Variants in KATNAL2 observed in about 807,000 individuals in gnomAD.
The protein encoded by KATNAL2 is katanin p60 ATPase-containing subunit A-like 2.
KATNAL2 carries 52 observed loss-of-function variants against 76.3 expected under a neutral mutation model. The observed-to-expected ratio is 0.68, with a 90% confidence interval of 0.55 to 0.86. KATNAL2 has a LOEUF of 0.86. KATNAL2 is among the 40% of genes least tolerant of loss of function. The pLI, the probability that KATNAL2 is intolerant of heterozygous loss-of-function variation, is 0.00. For missense variants in KATNAL2, 660 were observed against 668.9 expected, an observed-to-expected ratio of 0.99 and a Z score of 0.15; for synonymous variants, 243 against 244.2, an observed-to-expected ratio of 1.00 and a Z score of 0.05.
At position 46,946,564 on chromosome 18, in the gene KATNAL2, A is replaced by C. The variant is rs1272938966; in HGVS notation, c.-20+18A>C. ...ATATTATGGTACATGGCCCTGGGTC[A>C]GCTTGTATTTTAGAAACGAATTAAG... On this transcript the variant is annotated intron_variant, in intron 2 of 17. Transcript: ENST00000683218. 1.0e-6 allele frequency: 1 copy of C among 985,360 alleles called. No homozygotes were observed. The highest frequency in any genetic ancestry group is 1.1e-4 in the East Asian group (1 of 8,830). 61.0% of individuals were successfully genotyped at this position (985,360 alleles called of 1,614,324 possible). A position where few individuals can be genotyped will look rare whatever the true frequency, so the allele number is the denominator to read the frequency against.
chr18:46,926,296 G>A (rs890950624), intron 1 of KATNAL2, among the ~76,000 whole-genome samples: 4 of 151,882 alleles, frequency 2.6e-5, no homozygotes, highest in Admixed American at 1.3e-4. Flanking sequence ...GTTTTTTCTC[G>A]TTGGTTTCAA....
In KATNAL2 at chr18:46,939,112, C is replaced by T. The variant is rs183631264; in HGVS notation, c.-509-6945C>T. On this transcript the variant is annotated intron_variant, in intron 1 of 17. Transcript: ENST00000683218. ...ATCCCAGCACTTTGGGAGGCCGAGG[C>T]GGGCAGATCACAAGGTCAGGAGATC... Among the ~76,000 whole-genome samples the T allele has an allele frequency of 3.4e-3, 521 of 152,094 alleles. 1 individual carries two copies. Among genetic ancestry groups the T allele is most frequent in the Middle Eastern group, 0.01 (3 of 294 alleles).
chr18:46,920,864 A>G (rs1183005011), intron 1 of KATNAL2, among the ~76,000 whole-genome samples: 1 of 152,200 alleles, frequency 6.6e-6, no homozygotes, highest in South Asian at 2.1e-4. Context: ...AGGGAGGTGC[A>G]GTAATCTTAT....
chr18:47,064,071 A>C (rs2061715351), intron 10 of KATNAL2, among the ~76,000 whole-genome samples: 2 of 152,164 alleles, frequency 1.3e-5, no homozygotes, highest in Admixed American at 6.5e-5. Flanking sequence ...TCCTCTGAGA[A>C]GCTAAGGGCT....
chr18:47,034,411 C>G (rs1213560157), intron 3 of KATNAL2: 6 of 1,614,100 alleles, frequency 3.7e-6, no homozygotes, highest in Non-Finnish European at 4.2e-6. Flanking sequence ...AGCTTGCCCC[C>G]CTTCCTTGTC....
chr18:46,937,554 T>C (rs2059129599), intron 1 of KATNAL2, among the ~76,000 whole-genome samples: 1 of 152,156 alleles, frequency 6.6e-6, no homozygotes, highest in South Asian at 2.1e-4. Flanking sequence ...GTGATCTTTT[T>C]CACCAAGCTG....
At chr18:46,936,911 T>A (rs968842430) in intron 1 of KATNAL2, among the ~76,000 whole-genome samples, 1 of 152,216 alleles carries the variant, frequency 6.6e-6, no homozygotes, top group Non-Finnish European at 1.5e-5. Flanking sequence ...GACAAGATCA[T>A]GCCATTGCAC....
At chr18:47,076,651 G>A (rs1212979992) in intron 14 of KATNAL2, 1 of 152,048 alleles carries the variant, frequency 6.6e-6, no homozygotes, top group Admixed American at 6.6e-5. Context: ...TCTTCAAAGG[G>A]TCAGGAAATA....
At chr18:47,039,992 C>T (rs1017959445) in intron 3 of KATNAL2, among the ~76,000 whole-genome samples, 1 of 152,206 alleles carries the variant, frequency 6.6e-6, no homozygotes, top group Non-Finnish European at 1.5e-5. Flanking sequence ...AGATCACTTT[C>T]ATGTCTCTTT....
At chr18:46,942,063 G>A (rs529122932) in intron 1 of KATNAL2, among the ~76,000 whole-genome samples, 60 of 152,236 alleles carry the variant, frequency 3.9e-4, no homozygotes, top group African/African-American at 1.2e-3. Context: ...TCAGGTAATC[G>A]GAATGAGTCA....
chr18:47,054,502 G>C, intron 6 of KATNAL2, 64 bp downstream of exon 6: 2 of 1,483,488 alleles, frequency 1.3e-6, no homozygotes, highest in South Asian at 1.1e-5. Context: ...TCCCTTTCCA[G>C]AAGCTTTACC....
At chr18:47,095,714 G>A (rs1255918978) in intron 15 of KATNAL2, among the ~76,000 whole-genome samples, 2 of 152,216 alleles carry the variant, frequency 1.3e-5, no homozygotes, top group African/African-American at 4.8e-5. Flanking sequence ...ATATGCAGGA[G>A]TGATATTCAA....
chr18:47,054,567 C>A, intron 6 of KATNAL2, 129 bp downstream of exon 6: 1 of 910,136 alleles, frequency 1.1e-6, no homozygotes, highest in Non-Finnish European at 1.8e-6. Context: ...TGTGACCTGG[C>A]CCAGCCCAGG....
intron 3 of KATNAL2, among the ~76,000 whole-genome samples, chr18:47,045,082 G>A (rs1003601207): frequency 2.0e-5 from 3 of 151,630 alleles, no homozygotes; most frequent in Admixed American, 2.0e-4. Flanking sequence ...CTGGGCCACA[G>A]GGTGAGACCC....
At chr18:47,097,102 G>C in intron 15 of KATNAL2, among the ~76,000 whole-genome samples, 1 of 135,034 alleles carries the variant, frequency 7.4e-6, no homozygotes, top group Non-Finnish European at 1.6e-5. Flanking sequence ...CTGGGCAACA[G>C]AGGAAGACCC....
intron 5 of KATNAL2, 99 bp downstream of exon 5, chr18:47,053,145 A>G: frequency 1.0e-6 from 1 of 987,568 alleles, no homozygotes; most frequent in Non-Finnish European, 1.5e-6. Flanking sequence ...CTCACCCTGC[A>G]CCAAAGGAGT....
At chr18:46,931,402 A>G (rs1182707461) in intron 1 of KATNAL2, among the ~76,000 whole-genome samples, 1 of 152,098 alleles carries the variant, frequency 6.6e-6, no homozygotes, top group Non-Finnish European at 1.5e-5. Flanking sequence ...CTGTAATCCT[A>G]GCACTTTGGG....
intron 3 of KATNAL2, among the ~76,000 whole-genome samples, chr18:47,044,198 G>A (rs1329744836): frequency 6.6e-6 from 1 of 151,490 alleles, no homozygotes; most frequent in Non-Finnish European, 1.5e-5. Flanking sequence ...AATGATAGCT[G>A]ATGAGAAAAA....
At chr18:46,961,986 T>A (rs1330306309) in intron 3 of KATNAL2, among the ~76,000 whole-genome samples, 1 of 152,224 alleles carries the variant, frequency 6.6e-6, no homozygotes, top group Non-Finnish European at 1.5e-5. Flanking sequence ...TACAGTTATC[T>A]TCAGGCATTA....
Sources: gnomAD v4.1 joint callset for allele counts (sites outside exome capture counted in the v4.1 genomes callset) on GRCh38, gnomAD v4.1.1 for gene constraint, MANE v1.5 for transcripts, NCBI Gene and HGNC (gene_info 2026-07-23, HGNC 2026-07-21) for gene names.